Variants in MAF observed in about 807,000 individuals in gnomAD.
MAF encodes the protein MAF bZIP transcription factor.
Under a neutral mutation model 22.0 loss-of-function variants are expected in MAF, and 10 were observed. That is an observed-to-expected ratio of 0.45 (90% CI 0.28 to 0.77). The LOEUF is 0.77. MAF is among the 30% of genes least tolerant of loss of function. MAF has a pLI of 0.12. For synonymous variants in MAF, 337 were observed against 255.8 expected (o/e 1.32, Z -3.03); for missense variants, 544 against 548.4 (o/e 0.99, Z 0.08).
the MAF span, among the ~76,000 whole-genome samples, chr16:79,219,920 G>A: frequency 2.6e-5 from 4 of 152,052 alleles, no homozygotes; most frequent in African/African-American, 7.2e-5. Context: ...TTGTATCATC[G>A]TATTTAAATA....
the MAF span, among the ~76,000 whole-genome samples, chr16:79,369,128 C>G: frequency 1.3e-5 from 2 of 152,340 alleles, no homozygotes; most frequent in Non-Finnish European, 2.9e-5. Context: ...TCACTATCAA[C>G]TCTTCACAAT....
the MAF span, among the ~76,000 whole-genome samples, chr16:79,291,391 A>T: frequency 6.6e-6 from 1 of 152,130 alleles, no homozygotes; most frequent in Non-Finnish European, 1.5e-5. Context: ...TCCATTGTAC[A>T]GCCACTTTTC....
At chr16:79,454,773 G>C in the MAF span, among the ~76,000 whole-genome samples, 3 of 150,714 alleles carry the variant, frequency 2.0e-5, no homozygotes, top group African/African-American at 7.3e-5. Flanking sequence ...AATGTCTCTG[G>C]AAAACATGAT....
chr16:79,327,666 C>T, the MAF span, among the ~76,000 whole-genome samples: 1 of 152,192 alleles, frequency 6.6e-6, no homozygotes, highest in Non-Finnish European at 1.5e-5. Context: ...AAATGATACA[C>T]ATTTTTGTTC....
the MAF span, among the ~76,000 whole-genome samples, chr16:79,284,929 TC>T: frequency 6.6e-6 from 1 of 152,186 alleles, no homozygotes; most frequent in African/African-American, 2.4e-5. Flanking sequence ...AGCCTGGATT[TC>T]CACGAAGGCA....
chr16:79,474,840 G>C, the MAF span, among the ~76,000 whole-genome samples: 3 of 152,112 alleles, frequency 2.0e-5, no homozygotes, highest in Admixed American at 6.6e-5. Flanking sequence ...GCCATGTCTA[G>C]AGCCTGTTGC....
At chr16:79,467,591 T>A in the MAF span, among the ~76,000 whole-genome samples, 1 of 152,178 alleles carries the variant, frequency 6.6e-6, no homozygotes, top group African/African-American at 2.4e-5. Context: ...AAGTCAGTGG[T>A]TCTCAGAATG....
At chr16:79,569,501 G>A in the MAF span, among the ~76,000 whole-genome samples, 10 of 152,158 alleles carry the variant, frequency 6.6e-5, no homozygotes, top group African/African-American at 2.4e-4. Flanking sequence ...CTCAAATGTG[G>A]TCCCTGTTCC....
Position 79,599,615 on chromosome 16 carries a change from G to C in MAF, c.288C>G (p.Gly96=). Reference sequence around the variant, plus strand: ...CCTCGGGGTTCAGCTGCTGCGGGTAGCCGGTCATCCAGTAGTAGTCTTCCA... The same window carrying C: ...CCTCGGGGTTCAGCTGCTGCGGGTACCCGGTCATCCAGTAGTAGTCTTCCA... ...AHLEDYYWMT[G]YPQQLNPEAL... Residue 96 remains glycine, a synonymous_variant, in exon 1 of 2, where the codon GGC becomes GGG. Coordinates refer to ENST00000326043, the MANE Select transcript of MAF (RefSeq NM_005360.5). 1 of 1,610,872 alleles carries C rather than the reference G, an allele frequency of 6.2e-7. No homozygotes were observed. The highest frequency in any genetic ancestry group is 8.5e-7 in the Non-Finnish European group (1 of 1,179,246).
chr16:79,395,518 A>G, the MAF span, among the ~76,000 whole-genome samples: 1 of 152,064 alleles, frequency 6.6e-6, no homozygotes, highest in Non-Finnish European at 1.5e-5. Flanking sequence ...TGATAAGGAG[A>G]CTGTGGAAGA....
chr16:79,565,506 T>TA, the MAF span, among the ~76,000 whole-genome samples: 1 of 149,072 alleles, frequency 6.7e-6, no homozygotes, highest in Non-Finnish European at 1.5e-5. Flanking sequence ...TCACGTGTTG[T>TA]GGGGGGGGGG....
At chr16:79,446,068 G>C in the MAF span, among the ~76,000 whole-genome samples, 1 of 151,198 alleles carries the variant, frequency 6.6e-6, no homozygotes, top group Admixed American at 6.6e-5. Flanking sequence ...GACAGAGACA[G>C]AGAGAAAAAA....
chr16:79,433,411 C>T, the MAF span, among the ~76,000 whole-genome samples: 273 of 151,254 alleles, frequency 1.8e-3, 2 homozygotes, highest in African/African-American at 6.4e-3. Flanking sequence ...TGTCTTTTTG[C>T]CTTGGCCACC....
chr16:79,300,125 T>C, the MAF span, among the ~76,000 whole-genome samples: 1 of 152,238 alleles, frequency 6.6e-6, no homozygotes, highest in African/African-American at 2.4e-5. Flanking sequence ...TATTAATATA[T>C]GTTAGTTATT....
the MAF span, among the ~76,000 whole-genome samples, chr16:79,391,579 C>T: frequency 3.9e-5 from 6 of 152,178 alleles, no homozygotes; most frequent in African/African-American, 9.6e-5. Flanking sequence ...GGTTAGACCA[C>T]GAAGAGAAGT....
At chr16:79,459,016 T>C in the MAF span, among the ~76,000 whole-genome samples, 2 of 152,210 alleles carry the variant, frequency 1.3e-5, no homozygotes, top group Admixed American at 6.5e-5. Context: ...AAATGAGTTG[T>C]GGAACATTTT....
At chr16:79,237,088 G>A in the MAF span, among the ~76,000 whole-genome samples, 9 of 151,940 alleles carry the variant, frequency 5.9e-5, no homozygotes, top group Admixed American at 1.3e-4. Context: ...AAAGGCCAGT[G>A]GCCATTTCAA....
At chr16:79,438,392 T>C in the MAF span, among the ~76,000 whole-genome samples, 289 of 152,192 alleles carry the variant, frequency 1.9e-3, 6 homozygotes, top group South Asian at 0.054. Flanking sequence ...CTCAGGACGT[T>C]TGAAATATTA....
chr16:79,234,226 G>A, the MAF span, among the ~76,000 whole-genome samples: 2 of 151,852 alleles, frequency 1.3e-5, no homozygotes, highest in Non-Finnish European at 2.9e-5. Context: ...ACACTTACTT[G>A]TAAGCCACCA....
Sources: allele counts gnomAD v4.1 joint callset (sites outside exome capture counted in the v4.1 genomes callset), GRCh38; gene constraint gnomAD v4.1.1; transcripts MANE v1.5; gene names NCBI Gene and HGNC (gene_info 2026-07-23, HGNC 2026-07-21).